The following RC3H1 variants were observed in gnomAD, a reference collection of about 807,000 sequenced individuals.
RC3H1 encodes the protein roquin-1.
Under a neutral mutation model 138.2 loss-of-function variants are expected in RC3H1, and 50 were observed. The ratio of observed to expected loss-of-function variants is 0.36; its 90% CI spans 0.29 to 0.46. RC3H1 has a LOEUF of 0.46. RC3H1 is among the 20% of genes least tolerant of loss of function. The pLI is 1.00. For synonymous variants in RC3H1, 462 were observed against 489.1 expected, an observed-to-expected ratio of 0.94 and a Z score of 0.73; for missense variants, 1,031 against 1,388.1, an observed-to-expected ratio of 0.74 and a Z score of 4.09.
At chr1:174,010,820 G>A (rs1318714814) in intron 1 of RC3H1, among the ~76,000 whole-genome samples, 2 of 152,092 alleles carry the variant, frequency 1.3e-5, no homozygotes, top group Non-Finnish European at 2.9e-5. Flanking sequence ...TAAAAAGGAT[G>A]ATACACTTGA....
chr1:174,021,802 G>A (rs924724079), intron 1 of RC3H1, among the ~76,000 whole-genome samples: 7 of 152,084 alleles, frequency 4.6e-5, no homozygotes, highest in African/African-American at 1.7e-4. Context: ...TAGCCCTTTC[G>A]CCCCCTCCCT....
In RC3H1 at chr1:173,938,191, C is replaced by T. The variant is rs1284920974; in HGVS notation, c.*530G>A. 6.6e-6 allele frequency: 1 copy of T among 152,238 alleles called. No homozygotes were observed. The highest frequency in any genetic ancestry group is 2.4e-5 in the African/African-American group (1 of 41,450). The allele number at this position is 152,238 out of a possible 1,614,324, so 9.4% of individuals were successfully genotyped here. A position where few individuals can be genotyped will look rare whatever the true frequency, so the allele number is the denominator to read the frequency against. The stretch of plus-strand genomic sequence containing the variant: ...TGGTTTGCTGCACATTTTCTAATAA[C>T]TCAGTCTAGTACTGTCTGTTTCTCA... On this transcript the variant is annotated 3_prime_UTR_variant, in exon 20 of 20. Coordinates refer to ENST00000367696, the MANE Select transcript of RC3H1 (RefSeq NM_172071.4).
At position 173,980,168 on chromosome 1, in the gene RC3H1, G is replaced by A. The variant is rs374901233; in HGVS notation, c.969+641C>T. On this transcript the variant is annotated intron_variant, in intron 6 of 19. Transcript: ENST00000367696. Reference sequence around the variant, plus strand: ...GCTGAGATTACAGGCATCAGCCACTGTGCCCACCCTACACCAAGCATTTAA... The same window carrying A: ...GCTGAGATTACAGGCATCAGCCACTATGCCCACCCTACACCAAGCATTTAA... Among the ~76,000 whole-genome samples the A allele has an allele frequency of 4.1e-5, 6 of 147,710 alleles. No homozygotes were observed. In the South Asian group the frequency reaches 1.3e-3, roughly 31 times the overall value.
chr1:173,967,956 T>A (rs564409150), intron 9 of RC3H1, among the ~76,000 whole-genome samples: 1 of 152,222 alleles, frequency 6.6e-6, no homozygotes, highest in Non-Finnish European at 1.5e-5. Flanking sequence ...CTTATACATC[T>A]AGAGTTCATT....
intron 1 of RC3H1, among the ~76,000 whole-genome samples, chr1:174,010,138 C>T (rs1661723982): frequency 6.6e-6 from 1 of 150,984 alleles, no homozygotes; most frequent in Non-Finnish European, 1.5e-5. Context: ...CTTTTATCTT[C>T]CATTAAAAAA....
chr1:173,975,053 G>A (rs1433865854), intron 7 of RC3H1, among the ~76,000 whole-genome samples: 7 of 152,190 alleles, frequency 4.6e-5, no homozygotes. Context: ...GATAGATTCA[G>A]TTTGAAATGC....
At chr1:173,978,343 TA>T in intron 7 of RC3H1, 144 bp downstream of exon 7, 1 of 744,226 alleles carries the variant, frequency 1.3e-6, no homozygotes. Flanking sequence ...GGAAAAGATT[TA>T]AAATGGAAAC....
intron 14 of RC3H1, among the ~76,000 whole-genome samples, chr1:173,949,036 C>CA (rs199518915): frequency 0.013 from 1,990 of 148,224 alleles, 48 homozygotes; most frequent in African/African-American, 0.045. Context: ...CAATAAGAGC[C>CA]TTACTACAGC....
intron 1 of RC3H1, among the ~76,000 whole-genome samples, chr1:174,001,844 C>G (rs1661569479): frequency 6.6e-6 from 1 of 152,124 alleles, no homozygotes; most frequent in Admixed American, 6.5e-5. Context: ...ATTACATATA[C>G]TATACTATCA....
In RC3H1 at chr1:173,932,363, TA is replaced by T. The variant is rs1658416486; in HGVS notation, c.*6357del. ...AGTCAGAGAAAAAGGGCAGAAGGGG[TA>T]ACAAGGGGAAGACACCACAAACACG... On this transcript the variant is annotated 3_prime_UTR_variant, in exon 20 of 20. Coordinates refer to ENST00000367696, the MANE Select transcript of RC3H1 (RefSeq NM_172071.4). 6.6e-6 allele frequency: 1 copy of T among 151,806 alleles called. No homozygotes were observed. Among genetic ancestry groups the T allele is most frequent in the African/African-American group, 2.4e-5 (1 of 41,332 alleles). 9.4% of individuals were successfully genotyped at this position (151,806 alleles called of 1,614,324 possible).
intron 14 of RC3H1, among the ~76,000 whole-genome samples, chr1:173,948,954 TATA>T (rs1489946083): frequency 1.3e-5 from 2 of 152,010 alleles, no homozygotes; most frequent in Non-Finnish European, 2.9e-5. Context: ...GTTACTTTAA[TATA>T]ATAACCCTTT....
intron 2 of RC3H1, among the ~76,000 whole-genome samples, chr1:173,991,340 G>GT (rs1243990534): frequency 6.6e-6 from 1 of 152,192 alleles, no homozygotes; most frequent in Non-Finnish European, 1.5e-5. Flanking sequence ...ACTCTGCCTA[G>GT]TTTTTTGTTT....
chr1:174,004,662 A>T (rs1661622181), intron 1 of RC3H1, among the ~76,000 whole-genome samples: 1 of 151,912 alleles, frequency 6.6e-6, no homozygotes, highest in Non-Finnish European at 1.5e-5. Context: ...AAAAAAAAAA[A>T]AAAAAATTAG....
At chr1:173,998,106 G>T (rs74126484) in intron 1 of RC3H1, among the ~76,000 whole-genome samples, 2,637 of 152,020 alleles carry the variant, frequency 0.017, 88 homozygotes, top group African/African-American at 0.061. Flanking sequence ...CAGATTTTTT[G>T]AACTTCCTCA....
At chr1:174,005,206 A>G (rs1331840843) in intron 1 of RC3H1, among the ~76,000 whole-genome samples, 1 of 152,188 alleles carries the variant, frequency 6.6e-6, no homozygotes, top group African/African-American at 2.4e-5. Flanking sequence ...TACATGAAAC[A>G]AAGAAGAGCT....
chr1:173,941,643 C>T (rs1658865797), intron 18 of RC3H1, among the ~76,000 whole-genome samples: 1 of 152,132 alleles, frequency 6.6e-6, no homozygotes, highest in Non-Finnish European at 1.5e-5. Flanking sequence ...AAAACAATGA[C>T]CTAGAAAGGC....
At chr1:173,949,969 C>A (rs532350300) in intron 14 of RC3H1, among the ~76,000 whole-genome samples, 1 of 151,942 alleles carries the variant, frequency 6.6e-6, no homozygotes, top group Admixed American at 6.6e-5. Context: ...GAGTTCGAGA[C>A]GAGCCTGACC....
chr1:173,953,802 G>A (rs937738194), intron 13 of RC3H1, among the ~76,000 whole-genome samples: 2 of 152,056 alleles, frequency 1.3e-5, no homozygotes, highest in Non-Finnish European at 2.9e-5. Context: ...ACTTTGGGAG[G>A]TCGAGGCGGG....
In RC3H1 at chr1:173,961,922, G is replaced by A. The variant is rs1458553054; in HGVS notation, c.2005C>T (p.His669Tyr). 6.2e-7 allele frequency: 1 copy of A among 1,613,938 alleles called. No homozygotes were observed. Among genetic ancestry groups the A allele is most frequent in the South Asian group, 1.1e-5 (1 of 91,078 alleles). Residue 669 changes from histidine (H) to tyrosine (Y), a missense_variant, in exon 12 of 20, where the codon CAC (histidine) becomes TAC (tyrosine). His to Tyr is a moderately conservative substitution (Grantham distance 83, BLOSUM62 2). Coordinates refer to ENST00000367696, the MANE Select transcript of RC3H1 (RefSeq NM_172071.4). ...GGGTACACTCGACGGCCATCATAGT[G>A]AGATGGGTATATAGGTGGGTACTGC... is the stretch of plus-strand genomic sequence containing the variant. ...PQQYPPIYPSHYDGRRVYPAP... is the reference protein window; with the variant it reads ...PQQYPPIYPSYYDGRRVYPAP...
Sources: allele counts gnomAD v4.1 joint callset (sites outside exome capture counted in the v4.1 genomes callset), GRCh38; gene constraint gnomAD v4.1.1; transcripts MANE v1.5; gene names NCBI Gene and HGNC (gene_info 2026-07-23, HGNC 2026-07-21).